GABRA3: variants seen among roughly 807,000 people sequenced by gnomAD.
GABRA3 encodes the protein gamma-aminobutyric acid receptor subunit alpha-3.
A neutral mutation model predicts 30.1 loss-of-function variants in GABRA3; 10 were observed. That is an observed-to-expected ratio of 0.33 (90% CI 0.20 to 0.56). The LOEUF (loss-of-function observed/expected upper bound fraction) is 0.56. Ranked by LOEUF, GABRA3 falls within the 20% of genes least tolerant of loss-of-function variation. The pLI is 0.89. For missense variants in GABRA3, 233 were observed against 392.0 expected (o/e 0.59, Z 3.42); for synonymous variants, 151 against 146.8 (o/e 1.03, Z -0.21).
intron 5 of GABRA3, among the ~76,000 whole-genome samples, chrX:152,238,636 G>C (rs889241103): frequency 4.6e-5 from 5 of 108,837 alleles, no homozygotes; most frequent in African/African-American, 1.7e-4. Context: ...ACTCTTTTTG[G>C]TTGGTAAACT....
At chrX:152,229,614 T>G (rs760668195) in intron 5 of GABRA3, among the ~76,000 whole-genome samples, 5 of 109,741 alleles carry the variant, frequency 4.6e-5, no homozygotes, top group African/African-American at 1.7e-4. Flanking sequence ...GTGCCCAGGG[T>G]GCTCAAGAAA....
intron 1 of GABRA3, among the ~76,000 whole-genome samples, chrX:152,385,913 C>T (rs976809833): frequency 9.1e-4 from 101 of 110,578 alleles, no homozygotes; most frequent in African/African-American, 3.0e-3. Context: ...AGATATGCGG[C>T]GTTCTTTCTG....
At chrX:152,201,644 T>C (rs1937486236) in intron 7 of GABRA3, among the ~76,000 whole-genome samples, 1 of 112,253 alleles carries the variant, frequency 8.9e-6, no homozygotes, top group Non-Finnish European at 1.9e-5. Context: ...TAATAGAATG[T>C]AAAACACATT....
At chrX:152,213,388 A>G (rs890376795) in intron 6 of GABRA3, among the ~76,000 whole-genome samples, 3 of 111,270 alleles carry the variant, frequency 2.7e-5, no homozygotes, top group Non-Finnish European at 5.6e-5. Context: ...AAGTAAATAA[A>G]TAATATAGTA....
At chrX:152,261,094 A>G (rs1938720759) in intron 4 of GABRA3, among the ~76,000 whole-genome samples, 4 of 110,208 alleles carry the variant, frequency 3.6e-5, no homozygotes, top group Admixed American at 1.9e-4. Flanking sequence ...AGCCACTTAT[A>G]AAACCATCAG....
chrX:152,390,450 T>C (rs1352319015), intron 1 of GABRA3, among the ~76,000 whole-genome samples: 2 of 112,643 alleles, frequency 1.8e-5, no homozygotes, highest in East Asian at 5.5e-4. Context: ...TAGATAACTA[T>C]GGTGATGCAC....
intron 5 of GABRA3, among the ~76,000 whole-genome samples, chrX:152,236,963 G>T (rs1381743499): frequency 9.4e-6 from 1 of 105,985 alleles, no homozygotes; most frequent in Non-Finnish European, 1.9e-5. Context: ...CACTCTGATG[G>T]TAGTTTCTTT....
intron 9 of GABRA3, among the ~76,000 whole-genome samples, chrX:152,173,473 C>G (rs1306818305): frequency 9.0e-6 from 1 of 111,012 alleles, no homozygotes; most frequent in African/African-American, 3.3e-5. Flanking sequence ...TGAGATGGAA[C>G]TTTGCTCTTG....
In GABRA3 at chrX:152,374,833, G is replaced by A. The variant is rs757366726; in HGVS notation, c.-26-10237C>T. Among the ~76,000 whole-genome samples, 8 of 111,377 alleles carry A rather than the reference G, an allele frequency of 7.2e-5. 1 individual carries two copies. The South Asian group carries it at 3.0e-3, about 42-fold the overall frequency. On this transcript the variant is annotated intron_variant, in intron 1 of 9. Coordinates refer to ENST00000370314, the MANE Select transcript of GABRA3 (RefSeq NM_000808.4). ...TTTTTGTATAAGGTATAAGGAAGGG[G>A]TCCAGTTCCAATTTTCTGCATATGG...
chrX:152,309,254 G>C (rs1470404902), intron 3 of GABRA3, among the ~76,000 whole-genome samples: 1 of 111,684 alleles, frequency 9.0e-6, no homozygotes, highest in Non-Finnish European at 1.9e-5. Flanking sequence ...AACTTCACTG[G>C]AGAGATCAAC....
At chrX:152,396,892 G>GAGTTTTTCCACCTTTTTTTTTTTTTT (rs1929674788) in intron 1 of GABRA3, among the ~76,000 whole-genome samples, 1 of 111,941 alleles carries the variant, frequency 8.9e-6, no homozygotes, top group Admixed American at 9.5e-5. Flanking sequence ...CATAAACATG[G>GAGTTTTTCCACCTTTTTTTTTTTTTT]TTCACGTTCA....
intron 9 of GABRA3, among the ~76,000 whole-genome samples, chrX:152,170,387 C>A (rs1401991321): frequency 8.9e-6 from 1 of 112,457 alleles, no homozygotes; most frequent in Admixed American, 9.4e-5. Context: ...AAACATAGCC[C>A]ACTACAGTCT....
chrX:152,430,401 G>C (rs1345604358), intron 1 of GABRA3, among the ~76,000 whole-genome samples: 1 of 111,181 alleles, frequency 9.0e-6, no homozygotes, highest in Non-Finnish European at 1.9e-5. Flanking sequence ...ATCACTGCAG[G>C]AAACCAGACG....
intron 1 of GABRA3, among the ~76,000 whole-genome samples, chrX:152,411,438 G>A (rs780180199): frequency 9.0e-5 from 10 of 110,915 alleles, no homozygotes; most frequent in East Asian, 5.7e-4. Flanking sequence ...TTTGAGCAGC[G>A]GAAAAAAAGA....
rs1322343338 is a variant in GABRA3 at position 152,369,582 on chromosome X, T to C, written c.-26-4986A>G. On this transcript the variant is annotated intron_variant, in intron 1 of 9. Transcript: ENST00000370314. ...GGGATGTTCTTCCATCCAATTTTCA[T>C]ATAATTTGTTCCGTCACTTCCTTCA... 4.5e-5 allele frequency among the ~76,000 whole-genome samples: 5 copies of C among 111,330 alleles called. No individual in the cohort carries two copies. In the Admixed American group the frequency reaches 4.8e-4, roughly 11 times the overall value.
At chrX:152,305,223 A>G (rs1939703415) in intron 3 of GABRA3, among the ~76,000 whole-genome samples, 2 of 110,740 alleles carry the variant, frequency 1.8e-5, no homozygotes, top group African/African-American at 6.6e-5. Flanking sequence ...CGATGGGTAG[A>G]GATGGCACAA....
intron 3 of GABRA3, among the ~76,000 whole-genome samples, chrX:152,321,725 A>G (rs1435939351): frequency 9.0e-6 from 1 of 111,612 alleles, no homozygotes; most frequent in East Asian, 2.8e-4. Context: ...GCAAATGTCC[A>G]TGAACATTTC....
intron 3 of GABRA3, among the ~76,000 whole-genome samples, chrX:152,296,862 A>G (rs986084948): frequency 9.2e-6 from 1 of 109,206 alleles, no homozygotes; most frequent in Non-Finnish European, 1.9e-5. Flanking sequence ...ACCACACCTG[A>G]CTATTTTTGT....
chrX:152,248,404 T>G (rs1250378311), intron 5 of GABRA3, among the ~76,000 whole-genome samples: 1 of 111,671 alleles, frequency 9.0e-6, no homozygotes, highest in Non-Finnish European at 1.9e-5. Context: ...TCTTTCATCT[T>G]CTACTGACTT....
Sources: gnomAD v4.1 joint callset for allele counts (sites outside exome capture counted in the v4.1 genomes callset) on GRCh38, gnomAD v4.1.1 for gene constraint, MANE v1.5 for transcripts, NCBI Gene and HGNC (gene_info 2026-07-23, HGNC 2026-07-21) for gene names.